The following ANO4 variants were observed in gnomAD, a reference collection of about 807,000 sequenced individuals.
The protein encoded by ANO4 is anoctamin 4, also known as anoctamin-4.
In ANO4, 69 loss-of-function variants were observed where a neutral mutation model predicts 141.9. That is an observed-to-expected ratio of 0.49 (90% CI 0.40 to 0.59). The LOEUF (loss-of-function observed/expected upper bound fraction) is 0.59, where lower values mean the gene tolerates loss of function less well. Among genes scored for constraint, ANO4 ranks in the 20% least tolerant of loss-of-function variants. The pLI is 0.00. For missense variants in ANO4, 894 were observed against 1,162.2 expected, an observed-to-expected ratio of 0.77 and a Z score of 3.36; for synonymous variants, 350 against 394.3, an observed-to-expected ratio of 0.89 and a Z score of 1.33.
At chr12:100,882,820 C>T (rs1273425764) in intron 1 of ANO4, among the ~76,000 whole-genome samples, 2 of 152,050 alleles carry the variant, frequency 1.3e-5, no homozygotes, top group Non-Finnish European at 2.9e-5. Flanking sequence ...CTTCCTCAGC[C>T]TCCTGAGTAG....
chr12:100,867,857 A>G (rs956767706), intron 1 of ANO4, among the ~76,000 whole-genome samples: 4 of 152,192 alleles, frequency 2.6e-5, no homozygotes, highest in African/African-American at 9.6e-5. Flanking sequence ...GGGCAGTTTT[A>G]GGAGTGTCAT....
chr12:100,755,239 AT>A (rs1396473127), intron 3 of ANO4, among the ~76,000 whole-genome samples: 1 of 151,780 alleles, frequency 6.6e-6, no homozygotes, highest in African/African-American at 2.4e-5. Flanking sequence ...TACTGTTAAC[AT>A]TTTTGCTTAT....
chr12:100,999,212 T>C (rs561883428), intron 8 of ANO4, among the ~76,000 whole-genome samples: 18 of 152,344 alleles, frequency 1.2e-4, no homozygotes, highest in Non-Finnish European at 2.4e-4. Flanking sequence ...CTAATTAAGG[T>C]ATGTCAAGGC....
chr12:100,994,867 C>A (rs901901343), intron 8 of ANO4, among the ~76,000 whole-genome samples: 1 of 152,064 alleles, frequency 6.6e-6, no homozygotes, highest in Non-Finnish European at 1.5e-5. Flanking sequence ...CAGCAGTTGT[C>A]AGTGAGGGGT....
At chr12:100,722,735 G>A (rs1204720065) in intron 1 of ANO4, among the ~76,000 whole-genome samples, 4 of 152,194 alleles carry the variant, frequency 2.6e-5, no homozygotes, top group Admixed American at 2.6e-4. Context: ...CATAGTAGGT[G>A]ACCAGTACTT....
intron 1 of ANO4, among the ~76,000 whole-genome samples, chr12:100,801,093 G>GTCTCTCTCTC (rs35462149): frequency 0.014 from 2,126 of 147,214 alleles, 29 homozygotes; most frequent in African/African-American, 0.048. Flanking sequence ...TTGTCTACTT[G>GTCTCTCTCTC]TCTCTCTCTC....
At chr12:100,947,958 C>T (rs1168515060) in intron 5 of ANO4, among the ~76,000 whole-genome samples, 8 of 151,790 alleles carry the variant, frequency 5.3e-5, no homozygotes, top group South Asian at 2.1e-4. Context: ...CCAAGGCGGG[C>T]GGATCACGAG....
chr12:100,732,319 T>G (rs1014159701), intron 1 of ANO4, among the ~76,000 whole-genome samples: 2 of 152,216 alleles, frequency 1.3e-5, no homozygotes, highest in Non-Finnish European at 2.9e-5. Context: ...ATTTCTCTGG[T>G]GTCTGACGTG....
At chr12:100,751,898 G>C (rs2032399943) in intron 3 of ANO4, among the ~76,000 whole-genome samples, 1 of 152,162 alleles carries the variant, frequency 6.6e-6, no homozygotes. Context: ...ATTTGAGAGA[G>C]ATCTCAAGGA....
At chr12:100,757,905 T>C (rs1200386990) in intron 3 of ANO4, among the ~76,000 whole-genome samples, 1 of 152,248 alleles carries the variant, frequency 6.6e-6, no homozygotes, top group Non-Finnish European at 1.5e-5. Context: ...TTTTACTCTT[T>C]TCGCCCATCT....
chr12:100,818,124 A>G (rs1162903332), intron 1 of ANO4, among the ~76,000 whole-genome samples: 2 of 151,880 alleles, frequency 1.3e-5, no homozygotes, highest in African/African-American at 4.8e-5. Flanking sequence ...AGAAACACCA[A>G]CTTTCTTTTT....
chr12:101,003,512 A>G (rs1247834977), intron 8 of ANO4, among the ~76,000 whole-genome samples: 1 of 152,200 alleles, frequency 6.6e-6, no homozygotes, highest in Non-Finnish European at 1.5e-5. Flanking sequence ...ATGAGTAGAG[A>G]TATATTTTCA....
chr12:100,813,789 G>A (rs1327096765), intron 1 of ANO4, among the ~76,000 whole-genome samples: 1 of 152,148 alleles, frequency 6.6e-6, no homozygotes, highest in Non-Finnish European at 1.5e-5. Flanking sequence ...AAACCTCAAT[G>A]TTTATGTATG....
chr12:100,942,541 T>C lies in ANO4; in HGVS notation c.456+6T>C, dbSNP rs1329720638. On this transcript the variant is annotated splice_donor_region_variant and intron_variant, in intron 5 of 27. Transcript: ENST00000392977. ...GATTGCAAATGGAGAAAGAGGTAAA[T>C]AGTTTGCTTGGATGAGAAAAAAATA... 4 of 1,610,568 alleles carry C rather than the reference T, an allele frequency of 2.5e-6. No homozygotes were observed. The highest frequency in any genetic ancestry group is 2.2e-5 in the East Asian group (1 of 44,824).
At chr12:100,756,655 GT>G (rs1157471178) in intron 3 of ANO4, among the ~76,000 whole-genome samples, 1 of 152,016 alleles carries the variant, frequency 6.6e-6, no homozygotes, top group Non-Finnish European at 1.5e-5. Flanking sequence ...GCCTCAACTT[GT>G]TTTTTTCACT....
intron 1 of ANO4, among the ~76,000 whole-genome samples, chr12:100,873,890 A>G (rs1381947936): frequency 6.6e-6 from 1 of 152,178 alleles, no homozygotes; most frequent in Non-Finnish European, 1.5e-5. Context: ...AGGAGGGAAG[A>G]GTGGTTTTGC....
intron 1 of ANO4, among the ~76,000 whole-genome samples, chr12:100,838,592 A>T (rs377152862): frequency 6.6e-6 from 1 of 152,288 alleles, no homozygotes; most frequent in Middle Eastern, 3.4e-3. Context: ...TACATATGGT[A>T]AAAACAAAAG....
chr12:101,060,637 G>A (rs568258348), intron 14 of ANO4, among the ~76,000 whole-genome samples: 9 of 152,118 alleles, frequency 5.9e-5, no homozygotes, highest in South Asian at 4.2e-4. Flanking sequence ...TATGTAATGC[G>A]CTTCTCTGTC....
At chr12:101,030,097 C>G (rs1490070684) in intron 9 of ANO4, among the ~76,000 whole-genome samples, 1 of 152,012 alleles carries the variant, frequency 6.6e-6, no homozygotes, top group African/African-American at 2.4e-5. Flanking sequence ...CAAGGATATT[C>G]AGGACTTGAA....
Sources: gnomAD v4.1 joint callset for allele counts (sites outside exome capture counted in the v4.1 genomes callset) on GRCh38, gnomAD v4.1.1 for gene constraint, MANE v1.5 for transcripts, NCBI Gene and HGNC (gene_info 2026-07-23, HGNC 2026-07-21) for gene names.